Variants in CFTR observed in about 807,000 individuals in gnomAD.
CFTR encodes cystic fibrosis transmembrane conductance regulator.
A neutral mutation model predicts 171.6 loss-of-function variants in CFTR; 181 were observed. The observed-to-expected ratio is 1.05, with a 90% confidence interval of 0.93 to 1.19. CFTR has a LOEUF of 1.19. Among genes scored for constraint, CFTR ranks in the 50% most tolerant of loss-of-function variants. The pLI, the probability that CFTR is intolerant of heterozygous loss-of-function variation, is 0.00. For missense variants in CFTR, 1,968 were observed against 1,734.7 expected, an observed-to-expected ratio of 1.13 and a Z score of -2.39; for synonymous variants, 583 against 608.0, an observed-to-expected ratio of 0.96 and a Z score of 0.60.
At chr7:117,565,825 A>G (rs1395657570) in intron 11 of CFTR, among the ~76,000 whole-genome samples, 2 of 152,160 alleles carry the variant, frequency 1.3e-5, no homozygotes, top group African/African-American at 2.4e-5. Context: ...TGAAAGAAAA[A>G]AATACTTGGG....
At chr7:117,644,410 A>G (rs1235699526) in intron 23 of CFTR, among the ~76,000 whole-genome samples, 1 of 150,798 alleles carries the variant, frequency 6.6e-6, no homozygotes, top group African/African-American at 2.5e-5. Context: ...CCTGTCCTAA[A>G]GTTTAAAAAG....
At chr7:117,631,175 G>C (rs996280648) in intron 22 of CFTR, among the ~76,000 whole-genome samples, 1 of 151,928 alleles carries the variant, frequency 6.6e-6, no homozygotes. Context: ...CAATATAGTC[G>C]AAAACTCAGA....
chr7:117,553,850 G>T (rs1450237590), intron 10 of CFTR, among the ~76,000 whole-genome samples: 1 of 152,142 alleles, frequency 6.6e-6, no homozygotes, highest in African/African-American at 2.4e-5. Flanking sequence ...CTTGCAGGAG[G>T]TGAGGGATTA....
At chr7:117,543,565 C>G (rs1468827675) in intron 9 of CFTR, among the ~76,000 whole-genome samples, 2 of 152,104 alleles carry the variant, frequency 1.3e-5, no homozygotes, top group Admixed American at 6.5e-5. Flanking sequence ...TTTCTATGAC[C>G]TAAATAAAAT....
intron 17 of CFTR, chr7:117,604,702 A>G (rs549949005): frequency 1.3e-5 from 2 of 152,216 alleles, no homozygotes; most frequent in East Asian, 3.8e-4. Context: ...TCTGAAGCCC[A>G]TGTGTGTTGC....
intron 18 of CFTR, 65 bp from the exon 19 acceptor site, chr7:117,610,454 C>A: frequency 3.8e-6 from 5 of 1,321,588 alleles, no homozygotes; most frequent in Non-Finnish European, 5.4e-6. Context: ...AAATCACTGA[C>A]ACACTTTGTC....
intron 3 of CFTR, among the ~76,000 whole-genome samples, chr7:117,524,515 A>G (rs1336083865): frequency 6.6e-6 from 1 of 152,226 alleles, no homozygotes; most frequent in Non-Finnish European, 1.5e-5. Context: ...AGGATTAAAT[A>G]TTGCCATTGT....
Position 117,627,759 on chromosome 7 carries a change from C to T in CFTR, c.3706C>T (p.Pro1236Ser). The part of the protein sequence containing the change: ...ILENISFSIS[P>S]GQRVGLLGRT... Reference sequence around the variant, plus strand: ...AGAGAACATTTCCTTCTCAATAAGTCCTGGCCAGAGGGTGAGATTTGAACA... The same window carrying T: ...AGAGAACATTTCCTTCTCAATAAGTTCTGGCCAGAGGGTGAGATTTGAACA... Residue 1236 changes from proline (P) to serine (S), a missense_variant, in exon 22 of 27, where the codon CCT becomes TCT. Pro to Ser is a moderately conservative substitution (Grantham distance 74). Coordinates refer to ENST00000003084, the MANE Select transcript of CFTR (RefSeq NM_000492.4). 6.2e-7 allele frequency: 1 copy of T among 1,611,430 alleles called. No individual in the cohort carries two copies. Among genetic ancestry groups the T allele is most frequent in the Middle Eastern group, 1.7e-4 (1 of 6,054 alleles).
intron 1 of CFTR, among the ~76,000 whole-genome samples, chr7:117,480,788 C>G (rs1797990249): frequency 6.6e-6 from 1 of 152,084 alleles, no homozygotes; most frequent in Non-Finnish European, 1.5e-5. Flanking sequence ...GAAGTTATAT[C>G]CAACTGACAT....
chr7:117,499,427 ATCTG>A (rs968032054), intron 1 of CFTR, among the ~76,000 whole-genome samples: 5 of 77,722 alleles, frequency 6.4e-5, no homozygotes, highest in Non-Finnish European at 1.1e-4. Context: ...CTATAGTTTC[ATCTG>A]TGTGTGTGTG....
intron 11 of CFTR, among the ~76,000 whole-genome samples, chr7:117,577,226 T>A (rs981045357): frequency 1.3e-5 from 2 of 152,000 alleles, no homozygotes; most frequent in African/African-American, 4.8e-5. Flanking sequence ...GGCTGAAGGG[T>A]AAGGTGGATA....
chr7:117,581,036 G>A (rs1035917018), intron 11 of CFTR, among the ~76,000 whole-genome samples: 6 of 152,006 alleles, frequency 3.9e-5, no homozygotes, highest in East Asian at 1.9e-4. Context: ...CCCTCAATTC[G>A]TTTATAAGGT....
intron 4 of CFTR, among the ~76,000 whole-genome samples, chr7:117,531,997 T>C (rs180695226): frequency 3.3e-5 from 5 of 152,126 alleles, no homozygotes; most frequent in Non-Finnish European, 7.4e-5. Flanking sequence ...TTCTAAGATA[T>C]ACCTGCAAGG....
At position 117,606,793 on chromosome 7, in the gene CFTR, T is replaced by TA. The variant is rs149902649; in HGVS notation, c.2988+47dup. On this transcript the variant is annotated intron_variant, in intron 18 of 26. Transcript: ENST00000003084. ...GTACCGTTAAGTATGTCTGTATTAT[T>TA]AAAAAAACAATAACAAAAGCAAATG... is the stretch of plus-strand genomic sequence containing the variant. 2.2e-5 allele frequency: 24 copies of TA among 1,101,510 alleles called. No homozygotes were observed. In the African/African-American group the frequency reaches 2.6e-4, roughly 12 times the overall value. 68.2% of individuals were successfully genotyped at this position (1,101,510 alleles called of 1,614,324 possible).
At chr7:117,539,531 T>C (rs1338345918) in intron 7 of CFTR, among the ~76,000 whole-genome samples, 1 of 152,014 alleles carries the variant, frequency 6.6e-6, no homozygotes, top group Non-Finnish European at 1.5e-5. Context: ...TCTCAGGTGA[T>C]TTTTACACAT....
intron 18 of CFTR, among the ~76,000 whole-genome samples, chr7:117,609,310 G>T (rs1251928290): frequency 6.6e-6 from 1 of 152,168 alleles, no homozygotes; most frequent in African/African-American, 2.4e-5. Flanking sequence ...TTTGTCACTT[G>T]TAGAATGGGG....
intron 21 of CFTR, among the ~76,000 whole-genome samples, chr7:117,616,899 C>A (rs768541650): frequency 1.3e-5 from 2 of 152,144 alleles, no homozygotes; most frequent in Non-Finnish European, 2.9e-5. Context: ...TAATGATTCC[C>A]ATCATAGTGC....
At chr7:117,544,720 T>G (rs1284471165) in intron 9 of CFTR, among the ~76,000 whole-genome samples, 1 of 152,242 alleles carries the variant, frequency 6.6e-6, no homozygotes, top group Non-Finnish European at 1.5e-5. Context: ...TTCCTGACTT[T>G]CGCTCACGCA....
intron 5 of CFTR, among the ~76,000 whole-genome samples, chr7:117,534,885 G>A (rs1303936723): frequency 6.6e-6 from 1 of 152,116 alleles, no homozygotes; most frequent in East Asian, 1.9e-4. Flanking sequence ...TAAGTCCCTG[G>A]AGAGAGTTCT....
Sources: gnomAD v4.1 joint callset for allele counts (sites outside exome capture counted in the v4.1 genomes callset) on GRCh38, gnomAD v4.1.1 for gene constraint, MANE v1.5 for transcripts, NCBI Gene and HGNC (gene_info 2026-07-23, HGNC 2026-07-21) for gene names.